CSKMT: variants seen among roughly 807,000 people sequenced by gnomAD.
CSKMT encodes the protein citrate synthase lysine methyltransferase.
A neutral mutation model predicts 4.6 loss-of-function variants in CSKMT; 6 were observed. The observed-to-expected ratio is 1.31, with a 90% confidence interval of 0.72 to 2.59. CSKMT has a LOEUF of 2.59. Ranked by LOEUF, CSKMT falls within the 30% of genes most tolerant of loss-of-function variation. CSKMT has a pLI of 0.00. For synonymous variants in CSKMT, 142 were observed against 128.9 expected, an observed-to-expected ratio of 1.10 and a Z score of -0.69; for missense variants, 328 against 298.0, an observed-to-expected ratio of 1.10 and a Z score of -0.74.
chr11:62,665,664 A>ACCCT lies in CSKMT; in HGVS notation c.-213_-210dup. 6.8e-6 allele frequency: 10 copies of ACCCT among 1,466,132 alleles called. No homozygotes were observed. Among genetic ancestry groups the ACCCT allele is most frequent in the Non-Finnish European group, 9.0e-6 (10 of 1,111,192 alleles). The allele number at this position is 1,466,132 out of a possible 1,614,324, so 90.8% of individuals were successfully genotyped here. A position where few individuals can be genotyped will look rare whatever the true frequency, so the allele number is the denominator to read the frequency against. On this transcript the variant is annotated 5_prime_UTR_variant, in exon 2 of 3. Transcript: ENST00000532971. ...GATTTCAGGTCTGCGGACGCTGTAT[A>ACCCT]CCCTCCTCCACTTCCCGCTGCAGCC...
chr11:62,667,862 G>A lies in CSKMT; in HGVS notation c.*811G>A. On this transcript the variant is annotated 3_prime_UTR_variant, in exon 3 of 3. Transcript: ENST00000532971. ...TCACAGCACTTTGGGAGGCCAAGGTGGGCAGATTGCTTGAGCCCTGGCAAT... is the reference window on the plus strand; with the variant it reads ...TCACAGCACTTTGGGAGGCCAAGGTAGGCAGATTGCTTGAGCCCTGGCAAT... 1.4e-6 allele frequency: 1 copy of A among 727,900 alleles called. No individual in the cohort carries two copies. Among genetic ancestry groups the A allele is most frequent in the Non-Finnish European group, 2.3e-6 (1 of 429,074 alleles). 45.1% of individuals were successfully genotyped at this position (727,900 alleles called of 1,614,324 possible).
intron 1 of CSKMT, 107 bp downstream of exon 1, chr11:62,665,439 G>A (rs753488595): frequency 1.3e-6 from 2 of 1,549,018 alleles, no homozygotes; most frequent in South Asian, 1.1e-5. Flanking sequence ...TTCTTGGCGG[G>A]GATCGGGCTT....
chr11:62,668,073 T>TA lies in CSKMT; in HGVS notation c.*1029dup, dbSNP rs777143169. ...TAATTTCTGTGGTATTTTTTGCTTA[T>TA]AAAAAAATAGAGCAATTATATCACT... On this transcript the variant is annotated 3_prime_UTR_variant, in exon 3 of 3. Transcript: ENST00000532971. 2.6e-4 allele frequency: 61 copies of TA among 238,404 alleles called. No homozygotes were observed. Among genetic ancestry groups the TA allele is most frequent in the Non-Finnish European group, 3.9e-4 (47 of 120,862 alleles). The allele number at this position is 238,404 out of a possible 1,614,324, so 14.8% of individuals were successfully genotyped here. A position where few individuals can be genotyped will look rare whatever the true frequency, so the allele number is the denominator to read the frequency against.
Position 62,667,589 on chromosome 11 carries a change from C to T in CSKMT, c.*538C>T. ...AAGCCACTTCTACAAACACGGGAGCCTGTTGAGTCCCAGAAGGGACAGTGG... is the reference window on the plus strand; with the variant it reads ...AAGCCACTTCTACAAACACGGGAGCTTGTTGAGTCCCAGAAGGGACAGTGG... On this transcript the variant is annotated 3_prime_UTR_variant, in exon 3 of 3. Coordinates refer to ENST00000532971, the MANE Select transcript of CSKMT (RefSeq NM_001043229.2). 1.2e-6 allele frequency: 2 copies of T among 1,614,098 alleles called. No homozygotes were observed. Among genetic ancestry groups the T allele is most frequent in the Non-Finnish European group, 1.7e-6 (2 of 1,180,018 alleles).
chr11:62,665,701 T>C lies in CSKMT; in HGVS notation c.-179T>C. ...TTCCCGCTGCAGCCAATAAAGGCCG[T>C]TCCTACCATAGTCTGTGTCCGCGTT... On this transcript the variant is annotated 5_prime_UTR_variant, in exon 2 of 3. Coordinates refer to ENST00000532971, the MANE Select transcript of CSKMT (RefSeq NM_001043229.2). 6.8e-7 allele frequency: 1 copy of C among 1,460,326 alleles called. No individual in the cohort carries two copies. 90.5% of individuals were successfully genotyped at this position (1,460,326 alleles called of 1,614,324 possible).
In CSKMT at chr11:62,667,592, T is replaced by C. The variant is rs370296386; in HGVS notation, c.*541T>C. Reference sequence around the variant, plus strand: ...CCACTTCTACAAACACGGGAGCCTGTTGAGTCCCAGAAGGGACAGTGGTTG... The same window carrying C: ...CCACTTCTACAAACACGGGAGCCTGCTGAGTCCCAGAAGGGACAGTGGTTG... On this transcript the variant is annotated 3_prime_UTR_variant, in exon 3 of 3. Transcript: ENST00000532971. 4.3e-6 allele frequency: 7 copies of C among 1,614,002 alleles called. No individual in the cohort carries two copies. Among genetic ancestry groups the C allele is most frequent in the South Asian group, 3.3e-5 (3 of 91,082 alleles).
chr11:62,665,659 T>A lies in CSKMT; in HGVS notation c.-221T>A. ...CATTTGATTTCAGGTCTGCGGACGC[T>A]GTATACCCTCCTCCACTTCCCGCTG... On this transcript the variant is annotated 5_prime_UTR_variant, in exon 2 of 3. Coordinates refer to ENST00000532971, the MANE Select transcript of CSKMT (RefSeq NM_001043229.2). 6.7e-7 allele frequency: 1 copy of A among 1,482,442 alleles called. No homozygotes were observed. Among genetic ancestry groups the A allele is most frequent in the South Asian group, 1.3e-5 (1 of 75,732 alleles). The allele number at this position is 1,482,442 out of a possible 1,614,324, so 91.8% of individuals were successfully genotyped here. A position where few individuals can be genotyped will look rare whatever the true frequency, so the allele number is the denominator to read the frequency against.
chr11:62,667,384 G>A lies in CSKMT; in HGVS notation c.*333G>A, dbSNP rs1369769482. 7.0e-6 allele frequency: 6 copies of A among 854,224 alleles called. No homozygotes were observed. The highest frequency in any genetic ancestry group is 7.0e-5 in the Admixed American group (3 of 42,868). The allele number at this position is 854,224 out of a possible 1,614,324, so 52.9% of individuals were successfully genotyped here. A position where few individuals can be genotyped will look rare whatever the true frequency, so the allele number is the denominator to read the frequency against. ...ACAGGAACTGAATCAAAACCCCTGC[G>A]CTGACTGACTTGTATAATCTAGTGG... On this transcript the variant is annotated 3_prime_UTR_variant, in exon 3 of 3. Coordinates refer to ENST00000532971, the MANE Select transcript of CSKMT (RefSeq NM_001043229.2).
chr11:62,666,889 T>G lies in CSKMT; in HGVS notation c.561T>G (p.Val187=). The G allele has an allele frequency of 6.2e-7, 1 of 1,614,168 alleles. No homozygotes were observed. The highest frequency in any genetic ancestry group is 8.5e-7 in the Non-Finnish European group (1 of 1,180,028). The part of the protein sequence containing the change: ...AYQLLSECLR[V]LNPQGTLIQF... ...AGCTTCTATCAGAATGCTTGAGGGT[T>G]CTAAACCCTCAGGGGACCCTGATTC... Residue 187 remains valine, a synonymous_variant, in exon 3 of 3, where the codon GTT becomes GTG. Transcript: ENST00000532971.
chr11:62,666,309 C>CA (rs745593794), intron 2 of CSKMT, 87 bp from the exon 3 acceptor site: 37,676 of 1,166,710 alleles, frequency 0.032, 26 homozygotes, highest in African/African-American at 0.046. Context: ...GACCCTGTCT[C>CA]AAAAAAAAAA....
Position 62,666,433 on chromosome 11 carries a change from C to G in CSKMT, c.105C>G (p.Leu35=). 6.2e-7 allele frequency: 1 copy of G among 1,612,564 alleles called. No individual in the cohort carries two copies. Among genetic ancestry groups the G allele is most frequent in the Non-Finnish European group, 8.5e-7 (1 of 1,180,038 alleles). Reference sequence around the variant, plus strand: ...ATAGTTGCCTGGCGGACCGCTGTCTCTGGGATCGGCTGCATGCCCAGCCTC... The same window carrying G: ...ATAGTTGCCTGGCGGACCGCTGTCTGTGGGATCGGCTGCATGCCCAGCCTC... ...LADSCLADRC[L]WDRLHAQPRL... The change falls in exon 3 of 3, where the codon CTC becomes CTG. Residue 35 remains leucine, a synonymous_variant. Coordinates refer to ENST00000532971, the MANE Select transcript of CSKMT (RefSeq NM_001043229.2).
At position 62,665,644 on chromosome 11, in the gene CSKMT, C is replaced by T. The variant is rs1944786431; in HGVS notation, c.-233-3C>T. 7 of 1,510,392 alleles carry T rather than the reference C, an allele frequency of 4.6e-6. No individual in the cohort carries two copies. In the East Asian group the frequency reaches 1.7e-4, roughly 36 times the overall value. 93.6% of individuals were successfully genotyped at this position (1,510,392 alleles called of 1,614,324 possible). On this transcript the variant is annotated splice_polypyrimidine_tract_variant and splice_region_variant and intron_variant, in intron 1 of 2. Transcript: ENST00000532971. ...GTGCTCACACTTTCTCATTTGATTT[C>T]AGGTCTGCGGACGCTGTATACCCTC... is the stretch of plus-strand genomic sequence containing the variant.
At position 62,667,705 on chromosome 11, in the gene CSKMT, G is replaced by A. The variant is rs1372150993; in HGVS notation, c.*654G>A. 2.5e-6 allele frequency: 4 copies of A among 1,613,816 alleles called. No homozygotes were observed. In the African/African-American group the frequency reaches 5.3e-5, roughly 22 times the overall value. On this transcript the variant is annotated 3_prime_UTR_variant, in exon 3 of 3. Transcript: ENST00000532971. ...CCCCCAGCTGAGTCCAGCGTTAAATGTTCTTAAAGGACTTCTAGGGTCCTG... is the reference window on the plus strand; with the variant it reads ...CCCCCAGCTGAGTCCAGCGTTAAATATTCTTAAAGGACTTCTAGGGTCCTG...
chr11:62,666,016 G>C (rs909195760), intron 2 of CSKMT, 70 bp downstream of exon 2: 7 of 1,514,590 alleles, frequency 4.6e-6, no homozygotes. Flanking sequence ...TGGGTTCCTC[G>C]TGAGTCAGGA....
chr11:62,667,824 C>T lies in CSKMT; in HGVS notation c.*773C>T, dbSNP rs1169604459. ...TACAAAACTAGGCCAGGCATGCTGGCTCATACCTATAATCACAGCACTTTG... is the reference window on the plus strand; with the variant it reads ...TACAAAACTAGGCCAGGCATGCTGGTTCATACCTATAATCACAGCACTTTG... On this transcript the variant is annotated 3_prime_UTR_variant, in exon 3 of 3. Transcript: ENST00000532971. The T allele has an allele frequency of 1.9e-6, 2 of 1,049,082 alleles. No homozygotes were observed. The highest frequency in any genetic ancestry group is 2.9e-6 in the Non-Finnish European group (2 of 697,138). The allele number at this position is 1,049,082 out of a possible 1,614,324, so 65.0% of individuals were successfully genotyped here.
chr11:62,667,043 TCTCATTA>T lies in CSKMT; in HGVS notation c.716_722del (p.Ser239Ter). 1 of 1,598,322 alleles carries T rather than the reference TCTCATTA, an allele frequency of 6.3e-7. No homozygotes were observed. Among genetic ancestry groups the T allele is most frequent in the Admixed American group, 1.7e-5 (1 of 57,470 alleles). On this transcript the variant is annotated frameshift_variant and stop_lost, in exon 3 of 3. Coordinates refer to ENST00000532971, the MANE Select transcript of CSKMT (RefSeq NM_001043229.2). LOFTEE classifies it high-confidence loss of function. ...CTACTTTGCTTACTTGATTCAAGGC[TCTCATTA>T]AAGACATTTTAGTAGTCCTGACCCT...
chr11:62,665,598 C>A, intron 1 of CSKMT, 49 bp from the exon 2 acceptor site: 1 of 1,565,868 alleles, frequency 6.4e-7, no homozygotes, highest in Non-Finnish European at 8.6e-7. Context: ...CAACCGAGAT[C>A]CAGCTGGCTC....
Position 62,667,460 on chromosome 11 carries a change from G to T in CSKMT, c.*409G>T. On this transcript the variant is annotated 3_prime_UTR_variant, in exon 3 of 3. Coordinates refer to ENST00000532971, the MANE Select transcript of CSKMT (RefSeq NM_001043229.2). ...CACCTGTAAAAGGAGATTGTAAGAG[G>T]ATGGGTATAAGGAGCTTCATAAACC... 1.3e-6 allele frequency: 2 copies of T among 1,518,166 alleles called. No homozygotes were observed. The highest frequency in any genetic ancestry group is 1.7e-5 in the Admixed American group (1 of 59,630). 94.0% of individuals were successfully genotyped at this position (1,518,166 alleles called of 1,614,324 possible). A position where few individuals can be genotyped will look rare whatever the true frequency, so the allele number is the denominator to read the frequency against.
At position 62,666,760 on chromosome 11, in the gene CSKMT, T is replaced by C. The variant is rs374573824; in HGVS notation, c.432T>C (p.Asp144=). Residue 144 remains aspartate (D), a synonymous_variant, in exon 3 of 3, where the codon GAT becomes GAC. Coordinates refer to ENST00000532971, the MANE Select transcript of CSKMT (RefSeq NM_001043229.2). ...CAAGCCTCCACTTCATGCACGCCGA[T>C]GCTCAGAACCTGGGGGCTGTGGCTT... ...PASSLHFMHA[D]AQNLGAVASS... is the part of the protein sequence containing the mutation. 2.3e-5 allele frequency: 37 copies of C among 1,614,182 alleles called. No homozygotes were observed. In the African/African-American group the frequency reaches 4.8e-4, roughly 21 times the overall value.
Sources: allele counts gnomAD v4.1 joint callset, GRCh38; gene constraint gnomAD v4.1.1; transcripts MANE v1.5; gene names NCBI Gene and HGNC (gene_info 2026-07-23, HGNC 2026-07-21).